REV3L: variants seen among roughly 807,000 people sequenced by gnomAD.
The protein encoded by REV3L is DNA polymerase zeta catalytic subunit.
In REV3L, 69 loss-of-function variants were observed where a neutral mutation model predicts 299.4. That is an observed-to-expected ratio of 0.23 (90% CI 0.19 to 0.28). The LOEUF (loss-of-function observed/expected upper bound fraction) is 0.28. Among genes scored for constraint, REV3L ranks in the 10% least tolerant of loss-of-function variants. The pLI is 1.00. For synonymous variants in REV3L, 1,238 were observed against 1,271.4 expected, an observed-to-expected ratio of 0.97 and a Z score of 0.56; for missense variants, 3,128 against 3,693.8, an observed-to-expected ratio of 0.85 and a Z score of 3.97.
At chr6:111,307,031 CTT>C (rs3215596) in intron 31 of REV3L, among the ~76,000 whole-genome samples, 61,659 of 151,784 alleles carry the variant, frequency 0.41, 15,025 homozygotes, top group Non-Finnish European at 0.55. Flanking sequence ...TGCTCAAAAA[CTT>C]TCAGTTTTGG....
At chr6:111,392,292 T>C (rs1472042201) in intron 5 of REV3L, among the ~76,000 whole-genome samples, 2 of 152,072 alleles carry the variant, frequency 1.3e-5, no homozygotes, top group African/African-American at 4.8e-5. Flanking sequence ...GTTTTCAGAA[T>C]TAAAAATTAG....
At chr6:111,315,196 C>T in intron 27 of REV3L, 71 bp downstream of exon 27, 1 of 1,223,996 alleles carries the variant, frequency 8.2e-7, no homozygotes, top group South Asian at 1.3e-5. Flanking sequence ...TGAAAATGTA[C>T]TGAACAAATC....
chr6:111,462,298 G>C (rs965667167), intron 1 of REV3L, among the ~76,000 whole-genome samples: 4 of 152,094 alleles, frequency 2.6e-5, no homozygotes, highest in Non-Finnish European at 4.4e-5. Context: ...GATATACCAT[G>C]TAAATACTAA....
chr6:111,373,091 G>T lies in REV3L; in HGVS notation c.5264C>A (p.Ser1755Tyr). ...ACAGAAAGAATCCATTATTGAGTTA[G>T]ACCGAGTTGTTAGAGGATGAAAGCT... is the stretch of plus-strand genomic sequence containing the variant. ...KNSFHPLTTR[S>Y]NSIMDSFCVQ... Residue 1755 changes from serine to tyrosine, a missense_variant, in exon 13 of 32, where the codon TCT (serine) becomes TAT (tyrosine). This residue lies in a region of REV3L where 2,409 missense variants were observed against 2,611.8 expected (regional missense o/e 0.92). Coordinates refer to ENST00000368802, the MANE Select transcript of REV3L (RefSeq NM_001372078.1). 6.2e-7 allele frequency: 1 copy of T among 1,614,096 alleles called. No individual in the cohort carries two copies. The highest frequency in any genetic ancestry group is 8.5e-7 in the Non-Finnish European group (1 of 1,180,012).
intron 1 of REV3L, among the ~76,000 whole-genome samples, chr6:111,440,762 T>C (rs780619126): frequency 2.7e-4 from 41 of 152,240 alleles, no homozygotes; most frequent in Non-Finnish European, 5.3e-4. Flanking sequence ...ACATTTCTTA[T>C]AAGGCAAGTA....
chr6:111,382,617 G>A (rs762662417), intron 9 of REV3L, among the ~76,000 whole-genome samples: 9 of 152,124 alleles, frequency 5.9e-5, no homozygotes, highest in Non-Finnish European at 1.0e-4. Flanking sequence ...TACTACTATG[G>A]GCTAAAGTGC....
chr6:111,464,284 T>C (rs1791152330), intron 1 of REV3L, among the ~76,000 whole-genome samples: 1 of 152,078 alleles, frequency 6.6e-6, no homozygotes, highest in Non-Finnish European at 1.5e-5. Flanking sequence ...TTCTTTATGC[T>C]AGGGAAGGCA....
chr6:111,455,594 T>G (rs947408334), intron 1 of REV3L, among the ~76,000 whole-genome samples: 5 of 152,110 alleles, frequency 3.3e-5, no homozygotes, highest in Non-Finnish European at 7.4e-5. Flanking sequence ...GGGAGGCTAT[T>G]ATGATGATCC....
intron 4 of REV3L, among the ~76,000 whole-genome samples, chr6:111,401,421 A>G (rs1392961811): frequency 6.6e-6 from 1 of 152,208 alleles, no homozygotes; most frequent in East Asian, 1.9e-4. Flanking sequence ...TCTAAGGACC[A>G]AGGGCAAGTT....
chr6:111,324,991 A>C (rs1459203342), intron 25 of REV3L, among the ~76,000 whole-genome samples: 1 of 151,360 alleles, frequency 6.6e-6, no homozygotes, highest in East Asian at 1.9e-4. Context: ...CCTCCCAAGT[A>C]GCTGGGACTA....
At chr6:111,422,962 A>G (rs1466267972) in intron 1 of REV3L, among the ~76,000 whole-genome samples, 11 of 152,016 alleles carry the variant, frequency 7.2e-5, no homozygotes, top group Non-Finnish European at 1.3e-4. Context: ...AAGAGAAACT[A>G]TATCGCTGAA....
chr6:111,373,272 C>A lies in REV3L; in HGVS notation c.5083G>T (p.Glu1695Ter). 6.2e-7 allele frequency: 1 copy of A among 1,614,014 alleles called. No homozygotes were observed. The highest frequency in any genetic ancestry group is 8.5e-7 in the Non-Finnish European group (1 of 1,180,002). ...LFPGQAIEKN[E>*]FLSHDNQKCD... Reference sequence around the variant, plus strand: ...TTCTGGTTGTCATGACTTAAAAACTCATTTTTTTCTATAGCTTGTCCTGGA... The same window carrying A: ...TTCTGGTTGTCATGACTTAAAAACTAATTTTTTTCTATAGCTTGTCCTGGA... Residue 1695 changes from glutamate to a stop codon, truncating the protein, a stop_gained, in exon 13 of 32, where the codon GAG (glutamate) becomes TAG (stop). Coordinates refer to ENST00000368802, the MANE Select transcript of REV3L (RefSeq NM_001372078.1). LOFTEE classifies it high-confidence loss of function.
rs1773195918 is a variant in REV3L at position 111,313,493 on chromosome 6, T to C, written c.8467-4A>G. The C allele has an allele frequency of 6.3e-7, 1 of 1,594,574 alleles. No individual in the cohort carries two copies. On this transcript the variant is annotated splice_polypyrimidine_tract_variant and splice_region_variant and intron_variant, in intron 27 of 31. Transcript: ENST00000368802. ...GTAAAACACAGGGCAAATATACCTG[T>C]GGTAAAATTAATAAAATGCCTCTTA... is the stretch of plus-strand genomic sequence containing the variant.
chr6:111,412,846 C>T (rs2128281778), intron 2 of REV3L, among the ~76,000 whole-genome samples: 1 of 151,942 alleles, frequency 6.6e-6, no homozygotes, highest in South Asian at 2.1e-4. Context: ...AATCTCAAGT[C>T]ATACCATTCT....
intron 1 of REV3L, among the ~76,000 whole-genome samples, chr6:111,422,672 A>G (rs1397522070): frequency 1.0e-4 from 5 of 48,736 alleles, no homozygotes; most frequent in Non-Finnish European, 2.4e-4. Flanking sequence ...ACATATATAT[A>G]TATATACGTA....
chr6:111,380,154 C>T lies in REV3L; in HGVS notation c.1282G>A (p.Gly428Arg), dbSNP rs1432290692. 6 of 1,614,064 alleles carry T rather than the reference C, an allele frequency of 3.7e-6. No homozygotes were observed. Among genetic ancestry groups the T allele is most frequent in the Non-Finnish European group, 5.1e-6 (6 of 1,179,960 alleles). ...GGTGATGGCATCCTATTTCTTTCCC[C>T]CCGATATCCATCACTTTCCAAACCA... is the stretch of plus-strand genomic sequence containing the variant. ...LAGLESDGYRGERNRMPSPCR... is the reference protein window; with the variant it reads ...LAGLESDGYRRERNRMPSPCR... The change falls in exon 11 of 32, where the codon GGG becomes AGG. Residue 428 changes from glycine to arginine, a missense_variant. Gly to Arg is a moderately radical substitution (Grantham distance 125). Around this residue, in one of 9 missense-constraint regions of REV3L, gnomAD observed 2,409 missense variants for 2,611.8 expected, o/e 0.92. Coordinates refer to ENST00000368802, the MANE Select transcript of REV3L (RefSeq NM_001372078.1).
chr6:111,392,950 T>C lies in REV3L; in HGVS notation c.588A>G (p.Gly196=). Residue 196 remains glycine (G), a synonymous_variant, in exon 5 of 32, where the codon GGA becomes GGG. Transcript: ENST00000368802. ...TTCCTGATAAATGATTCTTGCAGGA[T>C]CCAGTTGCATGCAATGTATTACCTA... ...RRKSNTLHAT[G]SCKNHLSGNS... 6.2e-7 allele frequency: 1 copy of C among 1,609,532 alleles called. No individual in the cohort carries two copies. The highest frequency in any genetic ancestry group is 8.5e-7 in the Non-Finnish European group (1 of 1,176,018).
At chr6:111,425,489 A>G (rs987696449) in intron 1 of REV3L, among the ~76,000 whole-genome samples, 1 of 152,156 alleles carries the variant, frequency 6.6e-6, no homozygotes, top group African/African-American at 2.4e-5. Flanking sequence ...GACTATACAA[A>G]ATAAGCCCAT....
At position 111,303,161 on chromosome 6, in the gene REV3L, C is replaced by CTTTTTT. The variant is rs1192743753; in HGVS notation, c.9253-3006_9253-3005insAAAAAA. Among the ~76,000 whole-genome samples, 58 of 55,504 alleles carry CTTTTTT rather than the reference C, an allele frequency of 1.0e-3. 1 individual carries two copies. The highest frequency in any genetic ancestry group is 3.7e-3 in the East Asian group (7 of 1,884). 36.4% of individuals were successfully genotyped at this position (55,504 alleles called of 152,430 possible). On this transcript the variant is annotated intron_variant, in intron 31 of 31. Transcript: ENST00000368802. Reference sequence around the variant, plus strand: ...TTGAAATGTACTGAGGCTTTCTTTTCTTTCTTTTTTTTTTTTTTTTTGAGA... The same window carrying CTTTTTT: ...TTGAAATGTACTGAGGCTTTCTTTTCTTTTTTTTTCTTTTTTTTTTTTTTTTTGAGA...
Sources: allele counts gnomAD v4.1 joint callset (sites outside exome capture counted in the v4.1 genomes callset), GRCh38; gene constraint gnomAD v4.1.1; regional missense constraint gnomAD v4.1.1; transcripts MANE v1.5; gene names NCBI Gene and HGNC (gene_info 2026-07-23, HGNC 2026-07-21).